Variants in NDST3 observed in about 807,000 individuals in gnomAD.
NDST3 encodes the protein N-deacetylase and N-sulfotransferase 3, also known as bifunctional heparan sulfate N-deacetylase/N-sulfotransferase 3.
Under a neutral mutation model 96.1 loss-of-function variants are expected in NDST3, and 58 were observed. That is an observed-to-expected ratio of 0.60 (90% CI 0.49 to 0.75). The LOEUF (loss-of-function observed/expected upper bound fraction) is 0.75. Ranked by LOEUF, NDST3 falls within the 30% of genes least tolerant of loss-of-function variation. NDST3 has a pLI of 0.00. For synonymous variants in NDST3, 333 were observed against 359.7 expected (o/e 0.93, Z 0.84); for missense variants, 788 against 1,034.2 (o/e 0.76, Z 3.27).
intron 2 of NDST3, among the ~76,000 whole-genome samples, chr4:118,085,609 T>C (rs538794208): frequency 6.6e-6 from 1 of 152,258 alleles, no homozygotes; most frequent in Non-Finnish European, 1.5e-5. Flanking sequence ...CTTGTTCAAG[T>C]TGAACACTCT....
Position 118,240,670 on chromosome 4 carries a change from G to A in NDST3, c.2265G>A (p.Trp755Ter). Residue 755 changes from tryptophan (W) to a stop codon, truncating the protein, a stop_gained, in exon 11 of 14, where the codon TGG becomes TGA. Coordinates refer to ENST00000296499, the MANE Select transcript of NDST3 (RefSeq NM_004784.3). LOFTEE classifies it high-confidence loss of function. ...GGTATGCCAGCCACATCGAGAGATGGCTTGTTTATTTCCCCCCATTTCAGG... is the reference window on the plus strand; with the variant it reads ...GGTATGCCAGCCACATCGAGAGATGACTTGTTTATTTCCCCCCATTTCAGG... ...PGWYASHIER[W>*]LVYFPPFQLL... 1.2e-6 allele frequency: 2 copies of A among 1,613,446 alleles called. No individual in the cohort carries two copies. Among genetic ancestry groups the A allele is most frequent in the African/African-American group, 1.3e-5 (1 of 75,004 alleles).
At chr4:118,081,499 CTTCT>C (rs917923514) in intron 2 of NDST3, among the ~76,000 whole-genome samples, 1 of 152,048 alleles carries the variant, frequency 6.6e-6, no homozygotes, top group Admixed American at 6.6e-5. Context: ...CATAAATTTA[CTTCT>C]TTCTTAATGA....
chr4:118,088,064 C>T (rs2389518), intron 2 of NDST3, among the ~76,000 whole-genome samples: 114,386 of 151,940 alleles, frequency 0.75, 45,707 homozygotes, highest in South Asian at 0.92. Flanking sequence ...AGTGGAACAG[C>T]TGGCAATAAA....
At chr4:118,046,859 G>A (rs758074461) in intron 1 of NDST3, among the ~76,000 whole-genome samples, 2 of 152,090 alleles carry the variant, frequency 1.3e-5, no homozygotes, top group Non-Finnish European at 2.9e-5. Flanking sequence ...CACAGGATTT[G>A]CCAGGAAAGG....
intron 1 of NDST3, among the ~76,000 whole-genome samples, chr4:118,035,435 TTTTG>T (rs1429254996): frequency 7.4e-4 from 56 of 76,028 alleles, no homozygotes; most frequent in African/African-American, 1.8e-3. Flanking sequence ...CACACTTTTT[TTTTG>T]TTTTTTTTTT....
Position 118,053,991 on chromosome 4 carries a change from C to T in NDST3, c.81C>T (p.Ile27=), listed in dbSNP as rs13152576. 0.19 allele frequency: 300,038 copies of T among 1,612,026 alleles called. 29,273 individuals are homozygous for T. Among genetic ancestry groups the T allele is most frequent in the South Asian group, 0.27 (24,409 of 90,962 alleles). The change falls in exon 2 of 14, where the codon ATC becomes ATT. Residue 27 remains isoleucine (I), a synonymous_variant. Coordinates refer to ENST00000296499, the MANE Select transcript of NDST3 (RefSeq NM_004784.3). ...CCACTTTTTGTATGGTGAGCATTAT[C>T]ATTTCTGCTTACTACCTGTACAGTG... The part of the protein sequence containing the change: ...LLATFCMVSI[I]ISAYYLYSGY...
intron 1 of NDST3, among the ~76,000 whole-genome samples, chr4:118,050,461 C>A (rs1212445015): frequency 6.6e-6 from 1 of 152,040 alleles, no homozygotes; most frequent in Non-Finnish European, 1.5e-5. Flanking sequence ...GATTCTATAC[C>A]TAGAAAATGC....
intron 4 of NDST3, among the ~76,000 whole-genome samples, chr4:118,125,067 T>C (rs1270614968): frequency 2.0e-5 from 3 of 152,040 alleles, no homozygotes; most frequent in Non-Finnish European, 1.5e-5. Context: ...AATTTCCAAC[T>C]CCTCTCGCCT....
intron 6 of NDST3, among the ~76,000 whole-genome samples, chr4:118,209,250 G>A (rs1372991956): frequency 2.0e-5 from 3 of 152,150 alleles, no homozygotes; most frequent in Non-Finnish European, 4.4e-5. Context: ...AAAAAAGGAT[G>A]TCTATTAATT....
intron 6 of NDST3, among the ~76,000 whole-genome samples, chr4:118,189,574 T>C (rs1438376138): frequency 2.0e-5 from 3 of 152,262 alleles, no homozygotes; most frequent in African/African-American, 7.2e-5. Flanking sequence ...TGATTATAAG[T>C]AACCATAAAA....
At chr4:118,166,684 A>C (rs772243738) in intron 6 of NDST3, among the ~76,000 whole-genome samples, 1 of 151,520 alleles carries the variant, frequency 6.6e-6, no homozygotes, top group African/African-American at 2.4e-5. Flanking sequence ...ACAGCACATT[A>C]AAAGGTTATA....
chr4:118,201,279 A>G (rs1738069550), intron 6 of NDST3, among the ~76,000 whole-genome samples: 1 of 152,144 alleles, frequency 6.6e-6, no homozygotes, highest in East Asian at 1.9e-4. Context: ...AGAATGATTT[A>G]TTTTCTTCTG....
chr4:118,149,792 G>C (rs2125914138), intron 6 of NDST3, among the ~76,000 whole-genome samples: 1 of 152,136 alleles, frequency 6.6e-6, no homozygotes, highest in African/African-American at 2.4e-5. Flanking sequence ...CCAACACTAT[G>C]TTGAATAGGA....
At chr4:118,101,656 G>A (rs1729772136) in intron 2 of NDST3, among the ~76,000 whole-genome samples, 1 of 152,036 alleles carries the variant, frequency 6.6e-6, no homozygotes, top group Non-Finnish European at 1.5e-5. Context: ...TTGTTGTTGT[G>A]TAAACATCAC....
rs972321450 is a variant in NDST3 at position 118,208,935 on chromosome 4, C to T, written c.1540-15556C>T. 1.5e-5 allele frequency among the ~76,000 whole-genome samples: 2 copies of T among 131,482 alleles called. 1 individual carries two copies. The highest frequency in any genetic ancestry group is 5.6e-5 in the African/African-American group (2 of 35,530). The allele number at this position is 131,482 out of a possible 152,430, so 86.3% of individuals were successfully genotyped here. A position where few individuals can be genotyped will look rare whatever the true frequency, so the allele number is the denominator to read the frequency against. Reference sequence around the variant, plus strand: ...TGGTATTTTGATAACCCTCTCCCCCCAGAGTGAATTCAGCCTTATGAGCAA... The same window carrying T: ...TGGTATTTTGATAACCCTCTCCCCCTAGAGTGAATTCAGCCTTATGAGCAA... On this transcript the variant is annotated intron_variant, in intron 6 of 13. Coordinates refer to ENST00000296499, the MANE Select transcript of NDST3 (RefSeq NM_004784.3).
intron 6 of NDST3, among the ~76,000 whole-genome samples, chr4:118,197,593 C>G (rs1462630060): frequency 2.6e-5 from 4 of 151,964 alleles, no homozygotes; most frequent in Non-Finnish European, 5.9e-5. Flanking sequence ...CAGTTTTTGT[C>G]TTGAAATCTA....
rs200201758 is a variant in NDST3, at chr4:118,242,144, T to C, written c.2394T>C (p.Ala798=). The change falls in exon 12 of 14, where the codon GCT becomes GCC. Residue 798 remains alanine (A), a synonymous_variant. Transcript: ENST00000296499. ...GVLPHYNYSE[A]LTFDSHKGFW... ...TGCCTCATTATAATTACTCAGAAGCTTTAACGTAAGTTTATATTCTAATTA... is the reference window on the plus strand; with the variant it reads ...TGCCTCATTATAATTACTCAGAAGCCTTAACGTAAGTTTATATTCTAATTA... The C allele has an allele frequency of 1.1e-5, 17 of 1,574,860 alleles. No homozygotes were observed. The highest frequency in any genetic ancestry group is 9.5e-5 in the African/African-American group (7 of 73,826).
chr4:118,252,829 T>G (rs1386253049), intron 12 of NDST3, among the ~76,000 whole-genome samples: 2 of 152,034 alleles, frequency 1.3e-5, no homozygotes, highest in African/African-American at 4.8e-5. Context: ...AGGTGGAGGT[T>G]GCGGCGAGCC....
chr4:118,069,759 C>T (rs1364744970), intron 2 of NDST3, among the ~76,000 whole-genome samples: 3 of 151,710 alleles, frequency 2.0e-5, no homozygotes, highest in Non-Finnish European at 2.9e-5. Context: ...TTTGTATTCC[C>T]CTTTTGAGAA....
Sources: allele counts gnomAD v4.1 joint callset (sites outside exome capture counted in the v4.1 genomes callset), GRCh38; gene constraint gnomAD v4.1.1; transcripts MANE v1.5; gene names NCBI Gene and HGNC (gene_info 2026-07-23, HGNC 2026-07-21).